The following GRAP2 variants were observed in gnomAD, a reference collection of about 807,000 sequenced individuals.
GRAP2 encodes GRB2 related adaptor protein 2.
A neutral mutation model predicts 43.5 loss-of-function variants in GRAP2; 31 were observed. The ratio of observed to expected loss-of-function variants is 0.71; its 90% CI spans 0.54 to 0.96. The LOEUF (loss-of-function observed/expected upper bound fraction) is 0.96, where lower values mean the gene tolerates loss of function less well. GRAP2 is among the 40% of genes least tolerant of loss of function. The pLI, the probability that GRAP2 is intolerant of heterozygous loss-of-function variation, is 0.00. For missense variants in GRAP2, 371 were observed against 424.4 expected, an observed-to-expected ratio of 0.87 and a Z score of 1.11; for synonymous variants, 156 against 164.8, an observed-to-expected ratio of 0.95 and a Z score of 0.41.
At chr22:39,927,341 T>C (rs2066714351) in intron 1 of GRAP2, among the ~76,000 whole-genome samples, 1 of 152,174 alleles carries the variant, frequency 6.6e-6, no homozygotes, top group Non-Finnish European at 1.5e-5. Flanking sequence ...ATACCTGTGA[T>C]GTGAATCAGC....
intron 7 of GRAP2, among the ~76,000 whole-genome samples, chr22:39,970,609 A>G (rs895952527): frequency 1.3e-5 from 2 of 152,108 alleles, no homozygotes; most frequent in African/African-American, 2.4e-5. Context: ...AGGCCTGTGC[A>G]TAGGTATCTG....
intron 1 of GRAP2, among the ~76,000 whole-genome samples, chr22:39,929,494 C>A (rs943820557): frequency 9.2e-5 from 14 of 152,142 alleles, no homozygotes; most frequent in African/African-American, 2.9e-4. Flanking sequence ...ATTAGAAAGC[C>A]ACCTACTTCC....
chr22:39,929,241 T>G (rs889551081), intron 1 of GRAP2, among the ~76,000 whole-genome samples: 2 of 152,110 alleles, frequency 1.3e-5, no homozygotes, highest in African/African-American at 4.8e-5. Flanking sequence ...CTCTGTACTA[T>G]TTTTGCAATT....
chr22:39,952,481 C>G (rs1353330712), intron 2 of GRAP2, among the ~76,000 whole-genome samples: 1 of 152,190 alleles, frequency 6.6e-6, no homozygotes, highest in Non-Finnish European at 1.5e-5. Flanking sequence ...GGATGGAGTG[C>G]AGTGTGCTCT....
intron 4 of GRAP2, among the ~76,000 whole-genome samples, chr22:39,963,692 C>T (rs2067141540): frequency 6.6e-6 from 1 of 152,148 alleles, no homozygotes; most frequent in African/African-American, 2.4e-5. Flanking sequence ...TTTCCATCTC[C>T]TTCTTAACAC....
chr22:39,901,235 T>C lies in GRAP2; in HGVS notation c.-110T>C. ...GATCCATACTCTGAAATGCAGTAACTCTGATGCTTGAATTTGTCTCCCTTC... is the reference window on the plus strand; with the variant it reads ...GATCCATACTCTGAAATGCAGTAACCCTGATGCTTGAATTTGTCTCCCTTC... On this transcript the variant is annotated 5_prime_UTR_variant, in exon 1 of 8. Transcript: ENST00000344138. 1 of 1,232,148 alleles carries C rather than the reference T, an allele frequency of 8.1e-7. No individual in the cohort carries two copies. The highest frequency in any genetic ancestry group is 1.1e-6 in the Non-Finnish European group (1 of 936,642). The allele number at this position is 1,232,148 out of a possible 1,614,324, so 76.3% of individuals were successfully genotyped here. A position where few individuals can be genotyped will look rare whatever the true frequency, so the allele number is the denominator to read the frequency against.
At chr22:39,964,669 T>C in intron 4 of GRAP2, 1 of 568,990 alleles carries the variant, frequency 1.8e-6, no homozygotes, top group Non-Finnish European at 3.1e-6. Flanking sequence ...ATAGTTGGAA[T>C]TAAGTGTCGT....
At chr22:39,907,309 T>G (rs2066530181) in intron 1 of GRAP2, among the ~76,000 whole-genome samples, 1 of 152,166 alleles carries the variant, frequency 6.6e-6, no homozygotes, top group African/African-American at 2.4e-5. Context: ...AAACCAACGA[T>G]GCCTAGCACT....
chr22:39,943,310 T>G (rs1290611142), intron 1 of GRAP2, among the ~76,000 whole-genome samples: 1 of 152,242 alleles, frequency 6.6e-6, no homozygotes, highest in East Asian at 1.9e-4. Context: ...CTGAATATTT[T>G]TTAAGATTTT....
At chr22:39,895,271 T>G in the GRAP2 span, among the ~76,000 whole-genome samples, 6 of 152,202 alleles carry the variant, frequency 3.9e-5, no homozygotes, top group Admixed American at 3.3e-4. Context: ...AAGCAACATT[T>G]GTTTCTATCT....
chr22:39,971,381 C>T lies in GRAP2; in HGVS notation c.*297C>T. ...AAATGAAATGGAGTTTTGTCCTGGC[C>T]TTCAGCTGTCACTGCTTCCTCCTTG... On this transcript the variant is annotated 3_prime_UTR_variant, in exon 8 of 8. Coordinates refer to ENST00000344138, the MANE Select transcript of GRAP2 (RefSeq NM_004810.4). 2.7e-6 allele frequency: 1 copy of T among 377,130 alleles called. No homozygotes were observed. Among genetic ancestry groups the T allele is most frequent in the Non-Finnish European group, 4.7e-6 (1 of 212,044 alleles). The allele number at this position is 377,130 out of a possible 1,614,324, so 23.4% of individuals were successfully genotyped here.
intron 1 of GRAP2, among the ~76,000 whole-genome samples, chr22:39,936,971 G>T (rs553127013): frequency 6.6e-6 from 1 of 152,314 alleles, no homozygotes; most frequent in South Asian, 2.1e-4. Flanking sequence ...CTAGTGAGCA[G>T]TCATCCTGAC....
chr22:39,969,336 TG>T, intron 6 of GRAP2, 74 bp from the exon 7 acceptor site: 1 of 1,539,266 alleles, frequency 6.5e-7, no homozygotes, highest in Non-Finnish European at 9.0e-7. Context: ...GGATGGCATC[TG>T]AGCAAGGCAC....
At chr22:39,938,050 C>A (rs1042653785) in intron 1 of GRAP2, among the ~76,000 whole-genome samples, 7 of 152,058 alleles carry the variant, frequency 4.6e-5, no homozygotes, top group African/African-American at 1.7e-4. Flanking sequence ...AATAAATACG[C>A]ATAAGAAGAA....
At chr22:39,969,308 G>A (rs2067213098) in intron 6 of GRAP2, 103 bp from the exon 7 acceptor site, 3 of 1,292,706 alleles carry the variant, frequency 2.3e-6, no homozygotes, top group Admixed American at 1.7e-5. Context: ...AAGTATTCCT[G>A]GAATATACCG....
intron 1 of GRAP2, among the ~76,000 whole-genome samples, chr22:39,932,548 C>CAAAAAA (rs137982): frequency 6.9e-5 from 3 of 43,402 alleles, no homozygotes; most frequent in Admixed American, 2.8e-4. Flanking sequence ...CCTGTCTCTA[C>CAAAAAA]AAAAAAAAAA....
At chr22:39,922,670 G>A (rs2066663118) in intron 1 of GRAP2, among the ~76,000 whole-genome samples, 3 of 152,214 alleles carry the variant, frequency 2.0e-5, no homozygotes, top group Admixed American at 2.0e-4. Flanking sequence ...TCAGGAAGGA[G>A]AAGTAGGATG....
At chr22:39,970,871 C>G (rs756828792) in intron 7 of GRAP2, 34 bp from the exon 8 acceptor site, 1 of 1,550,444 alleles carries the variant, frequency 6.4e-7, no homozygotes, top group South Asian at 1.2e-5. Flanking sequence ...CAGCCCACAG[C>G]TCAGCAGAGC....
chr22:39,904,928 A>C (rs1020561654), intron 1 of GRAP2, among the ~76,000 whole-genome samples: 1 of 152,148 alleles, frequency 6.6e-6, no homozygotes, highest in African/African-American at 2.4e-5. Flanking sequence ...ATAAGCTCCA[A>C]GTTAGGACTA....
Sources: gnomAD v4.1 joint callset for allele counts (sites outside exome capture counted in the v4.1 genomes callset) on GRCh38, gnomAD v4.1.1 for gene constraint, MANE v1.5 for transcripts, NCBI Gene and HGNC (gene_info 2026-07-23, HGNC 2026-07-21) for gene names.